The following AOPEP variants were observed in gnomAD, a reference collection of about 807,000 sequenced individuals.
AOPEP encodes the protein aminopeptidase O (putative).
Under a neutral mutation model 98.1 loss-of-function variants are expected in AOPEP, and 77 were observed. The ratio of observed to expected loss-of-function variants is 0.78; its 90% CI spans 0.65 to 0.95. The LOEUF is 0.95. Ranked by LOEUF, AOPEP falls within the 40% of genes least tolerant of loss-of-function variation. The probability of loss-of-function intolerance (pLI) is 0.00; values close to 1 mark genes in which losing one functional copy is unlikely to be tolerated. For missense variants in AOPEP, 1,024 were observed against 1,024.7 expected (o/e 1.00, Z 0.01); for synonymous variants, 346 against 365.3 (o/e 0.95, Z 0.60).
intron 5 of AOPEP, among the ~76,000 whole-genome samples, chr9:94,831,406 G>A (rs534602779): frequency 3.9e-5 from 6 of 152,160 alleles, no homozygotes; most frequent in African/African-American, 1.4e-4. Context: ...CTGTTCTATT[G>A]GTCTGTGTGT....
At chr9:95,080,979 T>C (rs1304098729) in intron 15 of AOPEP, 199 bp downstream of exon 15, 2 of 576,718 alleles carry the variant, frequency 3.5e-6, no homozygotes, top group Non-Finnish European at 6.2e-6. Flanking sequence ...AAGGATTGAG[T>C]TGAGCACCTT....
At chr9:94,918,952 G>A (rs2053206561) in intron 5 of AOPEP, among the ~76,000 whole-genome samples, 1 of 151,106 alleles carries the variant, frequency 6.6e-6, no homozygotes, top group Admixed American at 6.6e-5. Flanking sequence ...GTCTCGCACT[G>A]TTGCCTGGGC....
At chr9:95,058,388 C>T (rs2067018289) in intron 13 of AOPEP, among the ~76,000 whole-genome samples, 2 of 152,182 alleles carry the variant, frequency 1.3e-5, no homozygotes, top group South Asian at 4.1e-4. Flanking sequence ...CTCTCCCCTT[C>T]CCTGTAATTC....
At chr9:95,063,466 T>C (rs889458325) in intron 14 of AOPEP, among the ~76,000 whole-genome samples, 1 of 151,628 alleles carries the variant, frequency 6.6e-6, no homozygotes, top group Non-Finnish European at 1.5e-5. Context: ...TGAGCGCTTT[T>C]AGATCTCCGC....
intron 9 of AOPEP, among the ~76,000 whole-genome samples, chr9:94,957,681 A>C (rs1320932004): frequency 6.6e-6 from 1 of 152,246 alleles, no homozygotes; most frequent in African/African-American, 2.4e-5. Context: ...CACCAAACCC[A>C]GAAGAAATCA....
intron 5 of AOPEP, among the ~76,000 whole-genome samples, chr9:94,823,190 T>G (rs1853661344): frequency 6.6e-6 from 1 of 152,106 alleles, no homozygotes; most frequent in African/African-American, 2.4e-5. Flanking sequence ...GGGACGGGGT[T>G]TCTCCGTGTT....
intron 9 of AOPEP, among the ~76,000 whole-genome samples, chr9:94,958,618 T>C (rs1470244180): frequency 1.3e-5 from 2 of 152,242 alleles, no homozygotes; most frequent in Non-Finnish European, 2.9e-5. Flanking sequence ...ATGATGGTTT[T>C]GATTTGCATT....
At chr9:94,786,815 G>A (rs1023872102) in intron 3 of AOPEP, among the ~76,000 whole-genome samples, 1 of 152,210 alleles carries the variant, frequency 6.6e-6, no homozygotes, top group African/African-American at 2.4e-5. Context: ...AAGCTTCTGA[G>A]AAGAGTTTGA....
chr9:94,860,361 C>T (rs545504829), intron 5 of AOPEP, among the ~76,000 whole-genome samples: 7 of 143,814 alleles, frequency 4.9e-5, no homozygotes, highest in African/African-American at 1.8e-4. Context: ...TCATTCTGAG[C>T]GTATTGGGAA....
At chr9:95,088,621 C>T (rs975249246), downstream of AOPEP, among the ~76,000 whole-genome samples, 30 of 152,248 alleles carry the variant, frequency 2.0e-4, no homozygotes, top group Admixed American at 1.8e-3. Context: ...CCCACTCCCA[C>T]TGTGTGCAGA....
At chr9:94,915,649 C>A (rs2136568519) in intron 5 of AOPEP, among the ~76,000 whole-genome samples, 1 of 152,350 alleles carries the variant, frequency 6.6e-6, no homozygotes, top group East Asian at 1.9e-4. Context: ...ACTCTGTCAG[C>A]CGGCAGTGCC....
At chr9:95,005,900 G>GT in intron 13 of AOPEP, 1 of 543,122 alleles carries the variant, frequency 1.8e-6, no homozygotes, top group South Asian at 1.9e-5. Flanking sequence ...GATCAGCAGT[G>GT]TTTATTATCT....
intron 3 of AOPEP, among the ~76,000 whole-genome samples, chr9:94,783,339 G>GGGT (rs1843694335): frequency 1.3e-5 from 2 of 152,246 alleles, no homozygotes; most frequent in Admixed American, 1.3e-4. Context: ...AAGCCTTGCT[G>GGGT]GGTAGCATCA....
At chr9:95,082,758 C>G (rs757431274) in intron 16 of AOPEP, 39 bp downstream of exon 16, 3 of 1,607,202 alleles carry the variant, frequency 1.9e-6, no homozygotes, top group Admixed American at 1.7e-5. Flanking sequence ...TTAGTTCTAA[C>G]CAGATACTCC....
rs531423040 is a variant in AOPEP, at chr9:94,971,045, C to G, written c.1916+3244C>G. Among the ~76,000 whole-genome samples, 4 of 152,238 alleles carry G rather than the reference C, an allele frequency of 2.6e-5. No homozygotes were observed. In the South Asian group the frequency reaches 6.2e-4, roughly 24 times the overall value. Reference sequence around the variant, plus strand: ...AGTGCATTTTTAGTTTTGGAGGTCTCTCTTTTAATCCTCTTCCTAATAAGG... The same window carrying G: ...AGTGCATTTTTAGTTTTGGAGGTCTGTCTTTTAATCCTCTTCCTAATAAGG... On this transcript the variant is annotated intron_variant, in intron 10 of 16. Transcript: ENST00000375315.
chr9:94,866,261 G>A (rs1249739641), intron 5 of AOPEP, among the ~76,000 whole-genome samples: 1 of 152,120 alleles, frequency 6.6e-6, no homozygotes, highest in Non-Finnish European at 1.5e-5. Context: ...GCTCACCAGC[G>A]TGTTTTATTT....
intron 1 of AOPEP, among the ~76,000 whole-genome samples, chr9:94,733,991 G>A (rs911947647): frequency 3.9e-5 from 6 of 152,194 alleles, no homozygotes; most frequent in African/African-American, 1.4e-4. Flanking sequence ...ATGGAGAAAT[G>A]TGCGTTCTAT....
At chr9:94,913,845 C>G (rs1756846339) in intron 5 of AOPEP, among the ~76,000 whole-genome samples, 2 of 152,198 alleles carry the variant, frequency 1.3e-5, no homozygotes, top group South Asian at 4.1e-4. Flanking sequence ...CAAGCTCTGC[C>G]TTCATTATAA....
At chr9:95,110,552 T>A in the AOPEP span, 1 of 1,032,292 alleles carries the variant, frequency 9.7e-7, no homozygotes. Flanking sequence ...CAAAATAAAT[T>A]ATCACCAAAT....
Sources: allele counts gnomAD v4.1 joint callset (sites outside exome capture counted in the v4.1 genomes callset), GRCh38; gene constraint gnomAD v4.1.1; transcripts MANE v1.5; gene names NCBI Gene and HGNC (gene_info 2026-07-23, HGNC 2026-07-21).